Variants in GCM2 observed in about 807,000 individuals in gnomAD.
GCM2 encodes the protein chorion-specific transcription factor GCMb.
In GCM2, 21 loss-of-function variants were observed where a neutral mutation model predicts 24.8. That is an observed-to-expected ratio of 0.85 (90% CI 0.60 to 1.22). The LOEUF (loss-of-function observed/expected upper bound fraction) is 1.22. Among genes scored for constraint, GCM2 ranks in the 50% most tolerant of loss-of-function variants. GCM2 has a pLI of 0.00. For missense variants in GCM2, 532 were observed against 645.6 expected (o/e 0.82, Z 1.91); for synonymous variants, 222 against 238.0 (o/e 0.93, Z 0.62).
At position 10,876,036 on chromosome 6, in the gene GCM2, AATCATAC is replaced by A. The variant is rs1561671965; in HGVS notation, c.457-27_457-21del. On this transcript the variant is annotated intron_variant, in intron 3 of 4. Coordinates refer to ENST00000379491, the MANE Select transcript of GCM2 (RefSeq NM_004752.4). The stretch of plus-strand genomic sequence containing the variant: ...CTTGGCCTGCGATAACGAGAAAATG[AATCATAC>A]ATTTGTGCCTCTAAAGGAAGCTGAC... The A allele has an allele frequency of 1.9e-6, 3 of 1,613,734 alleles. No individual in the cohort carries two copies. The highest frequency in any genetic ancestry group is 1.7e-6 in the Non-Finnish European group (2 of 1,179,674).
rs1779964928 is a variant in GCM2 at position 10,881,862 on chromosome 6, G to A, written c.-69C>T. 7.6e-7 allele frequency: 1 copy of A among 1,319,688 alleles called. No homozygotes were observed. Among genetic ancestry groups the A allele is most frequent in the South Asian group, 1.2e-5 (1 of 84,148 alleles). 81.7% of individuals were successfully genotyped at this position (1,319,688 alleles called of 1,614,324 possible). ...AGAAGAAAAAAGGACAGGTGCGCCA[G>A]GTGGGTTTTTTTTCTTCTCTTTAAA... On this transcript the variant is annotated 5_prime_UTR_variant, in exon 1 of 5. Transcript: ENST00000379491.
In GCM2 at chr6:10,874,696, T is replaced by A. The variant is rs1195611689; in HGVS notation, c.820A>T (p.Ser274Cys). 6.2e-7 allele frequency: 1 copy of A among 1,614,050 alleles called. No individual in the cohort carries two copies. The highest frequency in any genetic ancestry group is 8.5e-7 in the Non-Finnish European group (1 of 1,179,996). The change falls in exon 5 of 5, where the codon AGC becomes TGC. Residue 274 changes from serine (S) to cysteine (C), a missense_variant. By Grantham distance (112) the Ser-to-Cys change is moderately radical. Coordinates refer to ENST00000379491, the MANE Select transcript of GCM2 (RefSeq NM_004752.4). The stretch of plus-strand genomic sequence containing the variant: ...TAACCAGGGTTTGCCAATTCATAGC[T>A]GCAAGGTGGCCTAGGCAAATAGATT... ...PRIYLPRPPC[S>C]YELANPGYTN...
intron 4 of GCM2, 21 bp downstream of exon 4, chr6:10,875,870 G>A: frequency 6.2e-7 from 1 of 1,612,776 alleles, no homozygotes; most frequent in Non-Finnish European, 8.5e-7. Flanking sequence ...AGACCACTGT[G>A]CACTATCAGC....
intron 1 of GCM2, among the ~76,000 whole-genome samples, chr6:10,877,692 G>A (rs887873651): frequency 6.6e-6 from 1 of 152,200 alleles, no homozygotes; most frequent in African/African-American, 2.4e-5. Flanking sequence ...GAGGTTAATC[G>A]ACTCGCCCAA....
Position 10,873,966 on chromosome 6 carries a change from C to T in GCM2, c.*29G>A. The T allele has an allele frequency of 2.0e-6, 3 of 1,538,194 alleles. No homozygotes were observed. Among genetic ancestry groups the T allele is most frequent in the Non-Finnish European group, 2.7e-6 (3 of 1,111,024 alleles). On this transcript the variant is annotated 3_prime_UTR_variant, in exon 5 of 5. Coordinates refer to ENST00000379491, the MANE Select transcript of GCM2 (RefSeq NM_004752.4). Reference sequence around the variant, plus strand: ...TTTCCCTGCCTCCTGCCTGCATGCACACTGCTATTATGTCCCCTGGATTGT... The same window carrying T: ...TTTCCCTGCCTCCTGCCTGCATGCATACTGCTATTATGTCCCCTGGATTGT...
rs1002762397 is a variant in GCM2, at chr6:10,874,224, C to A, written c.1292G>T (p.Gly431Val). The change falls in exon 5 of 5, where the codon GGT (glycine) becomes GTT (valine). Residue 431 changes from glycine (G) to valine (V), a missense_variant. Gly to Val is a moderately radical substitution (Grantham distance 109, BLOSUM62 -3). Around this residue, in one of 3 missense-constraint regions of GCM2, gnomAD observed 434 missense variants for 521.9 expected, o/e 0.83. Transcript: ENST00000379491. ...TGMSVYPEPWGPPVTVTRAAS... is the reference protein window; with the variant it reads ...TGMSVYPEPWVPPVTVTRAAS... ...TGCCCTGGTGACTGTCACCGGAGGA[C>A]CCCAGGGTTCTGGATAGACAGACAT... is the stretch of plus-strand genomic sequence containing the variant. The A allele has an allele frequency of 1.2e-6, 2 of 1,614,182 alleles. No homozygotes were observed.
Position 10,874,512 on chromosome 6 carries a change from G to T in GCM2, c.1004C>A (p.Pro335Gln), listed in dbSNP as rs1453768657. The stretch of plus-strand genomic sequence containing the variant: ...CACAAGGCTGGGTTTTCCAAGAGCT[G>T]GTTTCCAGCCATGCTGTTTGTTGGT... ...DFTNKQHGWK[P>Q]ALGKPSLVER... The change falls in exon 5 of 5, where the codon CCA becomes CAA. Residue 335 changes from proline (P) to glutamine (Q), a missense_variant. Coordinates refer to ENST00000379491, the MANE Select transcript of GCM2 (RefSeq NM_004752.4). 6.2e-7 allele frequency: 1 copy of T among 1,614,104 alleles called. No homozygotes were observed. The highest frequency in any genetic ancestry group is 1.3e-5 in the African/African-American group (1 of 74,928).
At chr6:10,876,066 G>T in intron 3 of GCM2, 50 bp from the exon 4 acceptor site, 1 of 1,606,042 alleles carries the variant, frequency 6.2e-7, no homozygotes, top group South Asian at 1.1e-5. Context: ...AAAGGAAGCT[G>T]ACAATGTTGC....
chr6:10,880,645 C>T (rs1779944975), intron 1 of GCM2, among the ~76,000 whole-genome samples: 2 of 152,190 alleles, frequency 1.3e-5, no homozygotes, highest in Non-Finnish European at 2.9e-5. Context: ...TTCACCACTT[C>T]ATCCACCCCA....
intron 1 of GCM2, among the ~76,000 whole-genome samples, chr6:10,880,286 CAACA>C (rs34765652): frequency 4.0e-4 from 60 of 151,312 alleles, no homozygotes; most frequent in East Asian, 7.7e-4. Flanking sequence ...CAAAAAACCC[CAACA>C]AACAAACAAA....
chr6:10,881,692 C>T lies in GCM2; in HGVS notation c.90+12G>A. The T allele has an allele frequency of 6.2e-7, 1 of 1,603,064 alleles. No homozygotes were observed. Among genetic ancestry groups the T allele is most frequent in the South Asian group, 1.1e-5 (1 of 90,878 alleles). On this transcript the variant is annotated intron_variant, in intron 1 of 4. Coordinates refer to ENST00000379491, the MANE Select transcript of GCM2 (RefSeq NM_004752.4). ...AGCGCCCCGCGTGCCCGCACACACC[C>T]GGTTCACTTACCTGAGGCATCTGCG...
At chr6:10,875,781 G>A in intron 4 of GCM2, 110 bp downstream of exon 4, 1 of 1,095,122 alleles carries the variant, frequency 9.1e-7, no homozygotes, top group Non-Finnish European at 1.4e-6. Context: ...ATTTTCAGAT[G>A]AAATCAAACC....
chr6:10,881,350 G>A (rs908636930), intron 1 of GCM2, among the ~76,000 whole-genome samples: 1 of 151,952 alleles, frequency 6.6e-6, no homozygotes, highest in Non-Finnish European at 1.5e-5. Context: ...TAGAGACGGG[G>A]TTTCTCCATG....
At chr6:10,876,397 G>T in intron 3 of GCM2, 48 bp downstream of exon 3, 4 of 1,222,578 alleles carry the variant, frequency 3.3e-6, no homozygotes, top group Non-Finnish European at 4.9e-6. Context: ...TGGCCTTTGT[G>T]GTCTGATGAA....
intron 3 of GCM2, among the ~76,000 whole-genome samples, chr6:10,876,229 T>G (rs1246916368): frequency 1.3e-5 from 2 of 152,166 alleles, no homozygotes; most frequent in African/African-American, 4.8e-5. Context: ...TTAAAAGAAC[T>G]ATAACTTGGT....
At chr6:10,876,383 G>T (rs1779879108) in intron 3 of GCM2, 62 bp downstream of exon 3, 1 of 1,089,264 alleles carries the variant, frequency 9.2e-7, no homozygotes, top group Non-Finnish European at 1.4e-6. Flanking sequence ...CACGACAGGT[G>T]GTTTGGCCTT....
Position 10,874,102 on chromosome 6 carries a change from T to C in GCM2, c.1414A>G (p.Thr472Ala). Residue 472 changes from threonine to alanine, a missense_variant, in exon 5 of 5, where the codon ACA (threonine) becomes GCA (alanine). Thr to Ala is a moderately conservative substitution (Grantham distance 58). Transcript: ENST00000379491. The part of the protein sequence containing the change: ...AIPHEPVSSR[T>A]DEAETWDVCL... ...ACATCCCAAGTCTCTGCTTCATCTG[T>C]CCTAGAGGAAACTGGCTCGTGGGGA... The C allele has an allele frequency of 6.2e-7, 1 of 1,614,190 alleles. No individual in the cohort carries two copies. Among genetic ancestry groups the C allele is most frequent in the African/African-American group, 1.3e-5 (1 of 75,050 alleles).
In GCM2 at chr6:10,881,690, C is replaced by T. The variant is rs531471709; in HGVS notation, c.90+14G>A. On this transcript the variant is annotated intron_variant, in intron 1 of 4. Coordinates refer to ENST00000379491, the MANE Select transcript of GCM2 (RefSeq NM_004752.4). ...ACAGCGCCCCGCGTGCCCGCACACACCCGGTTCACTTACCTGAGGCATCTG... is the reference window on the plus strand; with the variant it reads ...ACAGCGCCCCGCGTGCCCGCACACATCCGGTTCACTTACCTGAGGCATCTG... The T allele has an allele frequency of 5.6e-6, 9 of 1,602,664 alleles. No individual in the cohort carries two copies. The highest frequency in any genetic ancestry group is 2.7e-5 in the African/African-American group (2 of 74,786).
At position 10,874,221 on chromosome 6, in the gene GCM2, G is replaced by C; in HGVS notation, c.1295C>G (p.Pro432Arg). 6.2e-7 allele frequency: 1 copy of C among 1,614,142 alleles called. No homozygotes were observed. The change falls in exon 5 of 5, where the codon CCT (proline) becomes CGT (arginine). Residue 432 changes from proline (P) to arginine (R), a missense_variant. By Grantham distance (103) the Pro-to-Arg change is moderately radical. This residue lies in a region of GCM2 where 434 missense variants were observed against 521.9 expected (regional missense o/e 0.83). Coordinates refer to ENST00000379491, the MANE Select transcript of GCM2 (RefSeq NM_004752.4). Reference sequence around the variant, plus strand: ...GGCTGCCCTGGTGACTGTCACCGGAGGACCCCAGGGTTCTGGATAGACAGA... The same window carrying C: ...GGCTGCCCTGGTGACTGTCACCGGACGACCCCAGGGTTCTGGATAGACAGA... ...GMSVYPEPWG[P>R]PVTVTRAASP...
Sources: allele counts gnomAD v4.1 joint callset (sites outside exome capture counted in the v4.1 genomes callset), GRCh38; gene constraint gnomAD v4.1.1; regional missense constraint gnomAD v4.1.1; transcripts MANE v1.5; gene names NCBI Gene and HGNC (gene_info 2026-07-23, HGNC 2026-07-21).